The following AOPEP variants were observed in gnomAD, a reference collection of about 807,000 sequenced individuals.
The protein encoded by AOPEP is aminopeptidase O.
Under a neutral mutation model 98.1 loss-of-function variants are expected in AOPEP, and 77 were observed. The observed-to-expected ratio is 0.78, with a 90% CI of 0.65 to 0.95. The LOEUF (loss-of-function observed/expected upper bound fraction) is 0.95. AOPEP is among the 40% of genes least tolerant of loss of function. AOPEP has a pLI of 0.00. For synonymous variants in AOPEP, 346 were observed against 365.3 expected, an observed-to-expected ratio of 0.95 and a Z score of 0.60; for missense variants, 1,024 against 1,024.7, an observed-to-expected ratio of 1.00 and a Z score of 0.01.
chr9:94,969,565 G>A lies in AOPEP; in HGVS notation c.1916+1764G>A, dbSNP rs148133064. ...TGGGACTATAGGCGCCCGCCACCAC[G>A]CCCGGCTAATTTTTTGTATTTTTAG... On this transcript the variant is annotated intron_variant, in intron 10 of 16. Transcript: ENST00000375315. 7.0e-3 allele frequency among the ~76,000 whole-genome samples: 1,061 copies of A among 151,950 alleles called. 11 individuals are homozygous for A. The highest frequency in any genetic ancestry group is 0.025 in the African/African-American group (1,020 of 41,448).
the AOPEP span, chr9:95,142,314 G>A: frequency 6.6e-6 from 1 of 152,396 alleles, no homozygotes; most frequent in African/African-American, 2.4e-5. Context: ...TTATTTTTTA[G>A]AGCCAGGGTC....
intron 7 of AOPEP, among the ~76,000 whole-genome samples, chr9:94,941,118 C>G (rs561828653): frequency 6.6e-6 from 1 of 152,370 alleles, no homozygotes; most frequent in East Asian, 1.9e-4. Flanking sequence ...AGCAGCACTT[C>G]TAAGACTACC....
intron 5 of AOPEP, among the ~76,000 whole-genome samples, chr9:94,806,682 A>G (rs1483389339): frequency 1.3e-5 from 2 of 152,024 alleles, no homozygotes; most frequent in Non-Finnish European, 2.9e-5. Flanking sequence ...TCCCCTTCTA[A>G]TGTGTTCTGG....
chr9:94,760,537 C>G lies in AOPEP; in HGVS notation c.754C>G (p.Pro252Ala). 1 of 1,570,842 alleles carries G rather than the reference C, an allele frequency of 6.4e-7. No homozygotes were observed. The highest frequency in any genetic ancestry group is 8.6e-7 in the Non-Finnish European group (1 of 1,162,360). The change falls in exon 2 of 17, where the codon CCT (proline) becomes GCT (alanine). Residue 252 changes from proline to alanine, a missense_variant. Around this residue, in one of 3 missense-constraint regions of AOPEP, gnomAD observed 440 missense variants for 433.8 expected, o/e 1.01. Coordinates refer to ENST00000375315, the MANE Select transcript of AOPEP (RefSeq NM_001193329.3). Reference protein sequence around the residue: ...HAIRIWYKTKPEGRSVTWTSD... With the variant: ...HAIRIWYKTKAEGRSVTWTSD... ...TATCAGGATATGGTACAAAACTAAA[C>G]CTGAAGGGCGATCGGTTACATGGAC...
Position 95,080,659 on chromosome 9 carries a change from C to T in AOPEP, c.2233-35C>T. 2.6e-6 allele frequency: 4 copies of T among 1,550,696 alleles called. No individual in the cohort carries two copies. The East Asian group carries it at 9.0e-5, about 35-fold the overall frequency. On this transcript the variant is annotated intron_variant, in intron 14 of 16. Coordinates refer to ENST00000375315, the MANE Select transcript of AOPEP (RefSeq NM_001193329.3). The stretch of plus-strand genomic sequence containing the variant: ...CCCGGTGGGCTGGGATGCCTGCCTG[C>T]TTGTCGCTCACTGGGCTCTCTCTTG...
intron 5 of AOPEP, among the ~76,000 whole-genome samples, chr9:94,872,273 C>T (rs2046434024): frequency 6.6e-6 from 1 of 152,112 alleles, no homozygotes; most frequent in African/African-American, 2.4e-5. Context: ...AGTCATTCTT[C>T]AGTCGTGTTT....
chr9:94,790,382 G>T (rs1845443436), intron 3 of AOPEP, among the ~76,000 whole-genome samples: 1 of 151,880 alleles, frequency 6.6e-6, no homozygotes, highest in African/African-American at 2.4e-5. Flanking sequence ...GCCCAGGCTG[G>T]TCTCGAACTC....
the AOPEP span, chr9:95,135,205 A>T: frequency 4.6e-6 from 4 of 861,512 alleles, no homozygotes; most frequent in Admixed American, 2.1e-5. Flanking sequence ...GATTTCAAAA[A>T]TAAAATGTAA....
intron 5 of AOPEP, among the ~76,000 whole-genome samples, chr9:94,895,283 C>T (rs748640753): frequency 3.3e-5 from 5 of 150,004 alleles, no homozygotes; most frequent in African/African-American, 1.2e-4. Context: ...ACCTGTAGTC[C>T]CAGCTGCTCA....
intron 1 of AOPEP, among the ~76,000 whole-genome samples, chr9:94,749,098 A>G (rs978005850): frequency 6.6e-6 from 1 of 152,262 alleles, no homozygotes; most frequent in African/African-American, 2.4e-5. Flanking sequence ...CTCTCCCTTC[A>G]TGATTATTTG....
intron 1 of AOPEP, among the ~76,000 whole-genome samples, chr9:94,741,690 T>C (rs577388707): frequency 6.6e-6 from 1 of 152,284 alleles, no homozygotes; most frequent in East Asian, 1.9e-4. Flanking sequence ...TAAGTCAGAA[T>C]AGATTAAGTT....
At chr9:95,077,548 T>C (rs2069209401) in intron 14 of AOPEP, among the ~76,000 whole-genome samples, 1 of 152,200 alleles carries the variant, frequency 6.6e-6, no homozygotes, top group East Asian at 1.9e-4. Flanking sequence ...CCACCCTCGT[T>C]AATAAATTAA....
chr9:94,877,554 G>T (rs1202823326), intron 5 of AOPEP, among the ~76,000 whole-genome samples: 1 of 151,748 alleles, frequency 6.6e-6, no homozygotes, highest in South Asian at 2.1e-4. Context: ...TGGAGTAACT[G>T]GGACTACAGG....
At chr9:94,915,581 G>A (rs2052681710) in intron 5 of AOPEP, among the ~76,000 whole-genome samples, 2 of 152,164 alleles carry the variant, frequency 1.3e-5, no homozygotes, top group Non-Finnish European at 2.9e-5. Context: ...CTAGTTGACA[G>A]TGTGGTGGTC....
At position 94,937,541 on chromosome 9, in the gene AOPEP, T is replaced by C. The variant is rs547672962; in HGVS notation, c.1661+9010T>C. ...TACAGGGGGATATGGTTCCAACATA[T>C]ACATTTGGGGGAACCCAGTTCAGTC... On this transcript the variant is annotated intron_variant, in intron 7 of 16. Transcript: ENST00000375315. 5.3e-5 allele frequency among the ~76,000 whole-genome samples: 8 copies of C among 152,354 alleles called. No homozygotes were observed. In the East Asian group the frequency reaches 9.6e-4, roughly 18 times the overall value.
intron 1 of AOPEP, among the ~76,000 whole-genome samples, chr9:94,747,319 A>G (rs1437571274): frequency 6.6e-6 from 1 of 152,112 alleles, no homozygotes; most frequent in African/African-American, 2.4e-5. Flanking sequence ...CCTTTTCATT[A>G]TGTTATCTTG....
At chr9:94,910,403 T>G (rs1754274596) in intron 5 of AOPEP, among the ~76,000 whole-genome samples, 1 of 152,208 alleles carries the variant, frequency 6.6e-6, no homozygotes, top group African/African-American at 2.4e-5. Context: ...GTCCTCTGGC[T>G]TCCGAGCGAG....
the AOPEP span, among the ~76,000 whole-genome samples, chr9:95,116,071 G>A: frequency 6.6e-6 from 1 of 152,166 alleles, no homozygotes; most frequent in African/African-American, 2.4e-5. Context: ...ATTTATATTT[G>A]GACATAAATC....
chr9:95,130,804 T>C, the AOPEP span, among the ~76,000 whole-genome samples: 1 of 152,210 alleles, frequency 6.6e-6, no homozygotes, highest in Non-Finnish European at 1.5e-5. Flanking sequence ...ATAAGAGTCA[T>C]TTCACCAGTG....
Sources: gnomAD v4.1 joint callset for allele counts (sites outside exome capture counted in the v4.1 genomes callset) on GRCh38, gnomAD v4.1.1 for gene constraint, gnomAD v4.1.1 regional missense constraint, MANE v1.5 for transcripts, NCBI Gene and HGNC (gene_info 2026-07-23, HGNC 2026-07-21) for gene names.